Variants in PTPRT observed in about 807,000 individuals in gnomAD.
The protein encoded by PTPRT is protein tyrosine phosphatase receptor type T.
Under a neutral mutation model 176.8 loss-of-function variants are expected in PTPRT, and 56 were observed. That is an observed-to-expected ratio of 0.32 (90% confidence interval 0.26 to 0.40). The LOEUF (loss-of-function observed/expected upper bound fraction) is 0.40. Among genes scored for constraint, PTPRT ranks in the 10% least tolerant of loss-of-function variants. The pLI, the probability that PTPRT is intolerant of heterozygous loss-of-function variation, is 1.00. For missense variants in PTPRT, 1,540 were observed against 1,908.2 expected, an observed-to-expected ratio of 0.81 and a Z score of 3.60; for synonymous variants, 783 against 739.0, an observed-to-expected ratio of 1.06 and a Z score of -0.96.
rs2055922253 is a variant in PTPRT at position 42,223,082 on chromosome 20, TAGTGTGAGAGTAGAGAAAAAATGC to T, written c.2342+13123_2342+13146del. On this transcript the variant is annotated intron_variant, in intron 15 of 30. Coordinates refer to ENST00000373187, the MANE Select transcript of PTPRT (RefSeq NM_007050.6). ...TTCTCTTCCATGTTGATGACTGTGGTAGTGTGAGAGTAGAGAAAAAATGCAGTGTGAGAGAGTTTTTCTTGACAC... is the reference window on the plus strand; with the variant it reads ...TTCTCTTCCATGTTGATGACTGTGGTAGTGTGAGAGAGTTTTTCTTGACAC... 2.0e-5 allele frequency among the ~76,000 whole-genome samples: 3 copies of T among 152,308 alleles called. No homozygotes were observed. The South Asian group carries it at 6.2e-4, about 32-fold the overall frequency.
At chr20:42,948,364 T>G (rs1981020788) in intron 1 of PTPRT, among the ~76,000 whole-genome samples, 1 of 152,112 alleles carries the variant, frequency 6.6e-6, no homozygotes, top group African/African-American at 2.4e-5. Context: ...AACTACCCCT[T>G]CCCACTCCAG....
At chr20:42,887,579 T>C (rs2079123253) in intron 1 of PTPRT, among the ~76,000 whole-genome samples, 1 of 152,160 alleles carries the variant, frequency 6.6e-6, no homozygotes, top group Admixed American at 6.5e-5. Flanking sequence ...CATCACACTA[T>C]TGTCTCCATC....
At chr20:42,849,461 A>C (rs967570038) in intron 2 of PTPRT, among the ~76,000 whole-genome samples, 5 of 152,322 alleles carry the variant, frequency 3.3e-5, no homozygotes, top group Non-Finnish European at 5.9e-5. Flanking sequence ...GAAACAGATC[A>C]GATGCAGGCA....
chr20:42,931,972 C>T (rs1979881442), intron 1 of PTPRT, among the ~76,000 whole-genome samples: 1 of 152,230 alleles, frequency 6.6e-6, no homozygotes, highest in Non-Finnish European at 1.5e-5. Flanking sequence ...TCCCAGTTTG[C>T]ACATGCAGGC....
chr20:42,400,676 G>A (rs556773626), intron 9 of PTPRT, among the ~76,000 whole-genome samples: 35 of 152,206 alleles, frequency 2.3e-4, no homozygotes, highest in African/African-American at 8.4e-4. Context: ...GGTGTATTGA[G>A]GGAATACCAA....
intron 9 of PTPRT, among the ~76,000 whole-genome samples, chr20:42,389,696 A>T (rs2058780926): frequency 6.6e-6 from 1 of 152,126 alleles, no homozygotes; most frequent in East Asian, 1.9e-4. Flanking sequence ...CCACAAAAAA[A>T]TTAAGAAATA....
At chr20:42,871,010 G>A (rs1041264110) in intron 2 of PTPRT, among the ~76,000 whole-genome samples, 3 of 151,152 alleles carry the variant, frequency 2.0e-5, no homozygotes, top group African/African-American at 4.9e-5. Context: ...GAGTGCAGTG[G>A]CACAATCTTG....
At chr20:42,057,277 T>C in the PTPRT span, among the ~76,000 whole-genome samples, 3 of 152,124 alleles carry the variant, frequency 2.0e-5, no homozygotes, top group Admixed American at 6.5e-5. Flanking sequence ...CCAGCAAGTA[T>C]TCTGGTAGAG....
At chr20:42,044,887 T>C in the PTPRT span, among the ~76,000 whole-genome samples, 1 of 152,190 alleles carries the variant, frequency 6.6e-6, no homozygotes, top group Non-Finnish European at 1.5e-5. Flanking sequence ...TTGTGGAAAC[T>C]CTAGGGAAGA....
At chr20:42,629,660 C>T (rs563182578) in intron 7 of PTPRT, among the ~76,000 whole-genome samples, 56 of 152,252 alleles carry the variant, frequency 3.7e-4, no homozygotes, top group Middle Eastern at 3.4e-3. Context: ...GCTTGGTACT[C>T]AGAGTGCAAA....
At chr20:42,733,795 T>C (rs2076496988) in intron 6 of PTPRT, among the ~76,000 whole-genome samples, 1 of 152,212 alleles carries the variant, frequency 6.6e-6, no homozygotes, top group Admixed American at 6.5e-5. Flanking sequence ...GGTTTGCACA[T>C]TGGTCCTCTG....
At chr20:42,639,527 A>G (rs1229042629) in intron 7 of PTPRT, among the ~76,000 whole-genome samples, 1 of 152,052 alleles carries the variant, frequency 6.6e-6, no homozygotes. Context: ...TATTCCTTTC[A>G]CGAATCATTT....
intron 1 of PTPRT, among the ~76,000 whole-genome samples, chr20:42,932,440 CAGA>C (rs112439808): frequency 6.6e-6 from 1 of 152,180 alleles, no homozygotes; most frequent in Non-Finnish European, 1.5e-5. Flanking sequence ...AGCTGCAGCC[CAGA>C]AGAAGAGCTC....
At chr20:42,311,111 G>T (rs1032228388) in intron 12 of PTPRT, among the ~76,000 whole-genome samples, 1 of 152,032 alleles carries the variant, frequency 6.6e-6, no homozygotes, top group Non-Finnish European at 1.5e-5. Flanking sequence ...TTCATTATTC[G>T]ATACATTATT....
intron 7 of PTPRT, among the ~76,000 whole-genome samples, chr20:42,513,644 A>G (rs1471271716): frequency 6.6e-6 from 1 of 152,210 alleles, no homozygotes; most frequent in Admixed American, 6.5e-5. Flanking sequence ...TATATGCTAC[A>G]CATAAAGTGT....
intron 27 of PTPRT, among the ~76,000 whole-genome samples, chr20:42,086,162 C>G (rs1052323524): frequency 6.6e-6 from 1 of 152,124 alleles, no homozygotes; most frequent in Non-Finnish European, 1.5e-5. Context: ...TAGTCTTGAA[C>G]TCCTGACCTC....
chr20:42,488,714 C>T (rs2071505653), intron 7 of PTPRT, among the ~76,000 whole-genome samples: 1 of 151,956 alleles, frequency 6.6e-6, no homozygotes, highest in Non-Finnish European at 1.5e-5. Flanking sequence ...CCTGTAATCC[C>T]AGTACTTTGG....
intron 27 of PTPRT, among the ~76,000 whole-genome samples, chr20:42,088,988 C>T (rs577489050): frequency 2.0e-5 from 3 of 152,236 alleles, no homozygotes; most frequent in South Asian, 2.1e-4. Flanking sequence ...TTCTTCTTAT[C>T]GCCCCTCATA....
At chr20:43,116,715 T>A (rs751261261) in intron 1 of PTPRT, among the ~76,000 whole-genome samples, 4 of 152,210 alleles carry the variant, frequency 2.6e-5, no homozygotes, top group Non-Finnish European at 5.9e-5. Context: ...TGTCTCTTTT[T>A]CTTTTTCCAC....
Sources: allele counts gnomAD v4.1 joint callset (sites outside exome capture counted in the v4.1 genomes callset), GRCh38; gene constraint gnomAD v4.1.1; transcripts MANE v1.5; gene names NCBI Gene and HGNC (gene_info 2026-07-23, HGNC 2026-07-21).